Variants in GRIN2A observed in about 807,000 individuals in gnomAD.
The protein encoded by GRIN2A is glutamate receptor ionotropic, NMDA 2A.
In GRIN2A, 22 loss-of-function variants were observed where a neutral mutation model predicts 113.4. The observed-to-expected ratio is 0.19, with a 90% CI of 0.14 to 0.28. The LOEUF is 0.28. Ranked by LOEUF, GRIN2A falls within the 10% of genes least tolerant of loss-of-function variation. GRIN2A has a pLI of 1.00. For synonymous variants in GRIN2A, 827 were observed against 738.4 expected (o/e 1.12, Z -1.94); for missense variants, 1,502 against 1,887.0 (o/e 0.80, Z 3.78).
chr16:9,948,416 GC>G (rs2045076989), intron 2 of GRIN2A, among the ~76,000 whole-genome samples: 1 of 152,156 alleles, frequency 6.6e-6, no homozygotes, highest in Non-Finnish European at 1.5e-5. Flanking sequence ...CATGGACCAA[GC>G]TTTCAGTAGC....
intron 10 of GRIN2A, among the ~76,000 whole-genome samples, chr16:9,806,999 G>C (rs903890206): frequency 2.0e-5 from 3 of 151,324 alleles, no homozygotes; most frequent in Admixed American, 6.6e-5. Flanking sequence ...GATTGTTTTA[G>C]AAGAGTTTTC....
chr16:9,841,357 C>G (rs1046864465), intron 5 of GRIN2A, among the ~76,000 whole-genome samples: 5 of 152,164 alleles, frequency 3.3e-5, no homozygotes, highest in African/African-American at 1.2e-4. Context: ...AGGCTTCATA[C>G]TAATTGTTGA....
intron 3 of GRIN2A, among the ~76,000 whole-genome samples, chr16:9,918,314 G>C (rs1317095715): frequency 2.6e-5 from 4 of 152,198 alleles, no homozygotes; most frequent in African/African-American, 9.7e-5. Flanking sequence ...ACTGCAGATA[G>C]TACAGAACTG....
At chr16:9,825,681 A>G (rs1222100348) in intron 9 of GRIN2A, among the ~76,000 whole-genome samples, 2 of 152,144 alleles carry the variant, frequency 1.3e-5, no homozygotes, top group Admixed American at 6.5e-5. Context: ...CTGTTGGTGA[A>G]GTCCCACGTG....
intron 10 of GRIN2A, among the ~76,000 whole-genome samples, chr16:9,816,285 A>G (rs2042184068): frequency 6.6e-6 from 1 of 152,246 alleles, no homozygotes; most frequent in Non-Finnish European, 1.5e-5. Flanking sequence ...TTTTATCACA[A>G]TAAAAAATAC....
intron 10 of GRIN2A, among the ~76,000 whole-genome samples, chr16:9,801,243 G>C (rs1567307419): frequency 1.3e-5 from 2 of 152,190 alleles, no homozygotes; most frequent in Non-Finnish European, 2.9e-5. Flanking sequence ...TGAGATACTT[G>C]CAACGTCAAT....
intron 3 of GRIN2A, among the ~76,000 whole-genome samples, chr16:9,926,236 G>C (rs1172157471): frequency 1.3e-5 from 2 of 152,174 alleles, no homozygotes; most frequent in Non-Finnish European, 2.9e-5. Context: ...ATGATCTACA[G>C]CTACATGAAA....
chr16:9,893,999 G>C (rs1478614576), intron 3 of GRIN2A, among the ~76,000 whole-genome samples: 1 of 152,156 alleles, frequency 6.6e-6, no homozygotes, highest in Non-Finnish European at 1.5e-5. Context: ...TTCACTGATG[G>C]AGAGTAAATG....
intron 12 of GRIN2A, among the ~76,000 whole-genome samples, chr16:9,765,827 G>T (rs564449728): frequency 6.6e-6 from 1 of 152,210 alleles, no homozygotes; most frequent in East Asian, 1.9e-4. Flanking sequence ...TGATGACACA[G>T]TGACACCGCC....
intron 2 of GRIN2A, among the ~76,000 whole-genome samples, chr16:10,157,047 G>A (rs1052928829): frequency 2.0e-5 from 3 of 152,180 alleles, no homozygotes; most frequent in Admixed American, 1.3e-4. Context: ...TGAATATAAT[G>A]TTGATATCAC....
intron 2 of GRIN2A, among the ~76,000 whole-genome samples, chr16:9,962,353 A>T (rs1175435519): frequency 6.6e-6 from 1 of 152,178 alleles, no homozygotes; most frequent in African/African-American, 2.4e-5. Flanking sequence ...AAATTTTCGC[A>T]ACCTACTCAT....
chr16:9,915,768 C>G (rs1242026167), intron 3 of GRIN2A, among the ~76,000 whole-genome samples: 51 of 152,152 alleles, frequency 3.4e-4, no homozygotes, highest in Admixed American at 3.3e-3. Flanking sequence ...CTTATATAAA[C>G]TAGTTGTTAT....
chr16:9,810,945 TAA>T (rs2042075490), intron 10 of GRIN2A, among the ~76,000 whole-genome samples: 1 of 152,160 alleles, frequency 6.6e-6, no homozygotes, highest in Non-Finnish European at 1.5e-5. Flanking sequence ...CCATGGGGTG[TAA>T]ACAGTGTCTC....
intron 2 of GRIN2A, among the ~76,000 whole-genome samples, chr16:10,120,951 A>G (rs765826163): frequency 6.6e-6 from 1 of 151,698 alleles, no homozygotes; most frequent in Non-Finnish European, 1.5e-5. Context: ...GCATCTTTTC[A>G]GCCCCTGTAT....
At chr16:10,003,995 G>A (rs558945541) in intron 2 of GRIN2A, among the ~76,000 whole-genome samples, 1 of 152,224 alleles carries the variant, frequency 6.6e-6, no homozygotes, top group African/African-American at 2.4e-5. Context: ...GTTGTTTACT[G>A]TCCTGGTTCC....
chr16:9,846,103 C>A (rs9926049), intron 5 of GRIN2A, among the ~76,000 whole-genome samples: 55,537 of 152,012 alleles, frequency 0.37, 11,668 homozygotes, highest in African/African-American at 0.59. Context: ...TAAAACATTC[C>A]TGACCCCAAA....
At chr16:9,862,333 C>A (rs970678245) in intron 4 of GRIN2A, among the ~76,000 whole-genome samples, 2 of 152,030 alleles carry the variant, frequency 1.3e-5, no homozygotes, top group Non-Finnish European at 2.9e-5. Flanking sequence ...TTTTTTTCCT[C>A]TCGTAATAAC....
chr16:9,792,079 TTGTGTGTGTGTGTG>T (rs71400495), intron 11 of GRIN2A, among the ~76,000 whole-genome samples: 1 of 112,330 alleles, frequency 8.9e-6, no homozygotes, highest in Admixed American at 8.4e-5. Flanking sequence ...TGAAGTAAAA[TTGTGTGTGTGTGTG>T]TGTGTGTGTG....
chr16:9,845,491 C>G (rs1057506755), intron 5 of GRIN2A, among the ~76,000 whole-genome samples: 8 of 152,170 alleles, frequency 5.3e-5, no homozygotes, highest in Non-Finnish European at 8.8e-5. Flanking sequence ...GTGCCAGCCA[C>G]TTTGCTTTCT....
Sources: gnomAD v4.1 joint callset for allele counts (sites outside exome capture counted in the v4.1 genomes callset) on GRCh38, gnomAD v4.1.1 for gene constraint, MANE v1.5 for transcripts, NCBI Gene and HGNC (gene_info 2026-07-23, HGNC 2026-07-21) for gene names.